The following PCDHGB5 variants were observed in gnomAD, a reference collection of about 807,000 sequenced individuals.
The protein encoded by PCDHGB5 is protocadherin gamma-B5.
In PCDHGB5, 48 loss-of-function variants were observed where a neutral mutation model predicts 62.9. That is an observed-to-expected ratio of 0.76 (90% confidence interval 0.61 to 0.97). The LOEUF (loss-of-function observed/expected upper bound fraction) is 0.97, where lower values mean the gene tolerates loss of function less well. PCDHGB5 is among the 50% of genes least tolerant of loss of function. The pLI is 0.00. For missense variants in PCDHGB5, 1,118 were observed against 1,198.6 expected, an observed-to-expected ratio of 0.93 and a Z score of 0.99; for synonymous variants, 474 against 511.2, an observed-to-expected ratio of 0.93 and a Z score of 0.98.
chr5:141,440,693 C>T (rs2098194597), intron 1 of PCDHGB5: 1 of 152,136 alleles, frequency 6.6e-6, no homozygotes, highest in Non-Finnish European at 1.5e-5. Context: ...GTAAAAGTGA[C>T]CAACAGTGGA....
At position 141,399,493 on chromosome 5, in the gene PCDHGB5, A is replaced by G. The variant is rs2093820399; in HGVS notation, c.1366A>G (p.Ser456Gly). The G allele has an allele frequency of 1.2e-6, 2 of 1,614,036 alleles. No individual in the cohort carries two copies. Among genetic ancestry groups the G allele is most frequent in the African/African-American group, 2.7e-5 (2 of 75,076 alleles). Residue 456 changes from serine (S) to glycine (G), a missense_variant, in exon 1 of 4, where the codon AGT becomes GGT. Ser to Gly is a moderately conservative substitution (Grantham distance 56). Coordinates refer to ENST00000617380, the MANE Select transcript of PCDHGB5 (RefSeq NM_018925.3). ...TTTCCACCAGGCGTCCTACTTAGTC[A>G]GTGTACCCGAAAACAACCCTCCTGG... is the stretch of plus-strand genomic sequence containing the variant. The part of the protein sequence containing the change: ...PVFHQASYLV[S>G]VPENNPPGAS...
chr5:141,399,382 A>G lies in PCDHGB5; in HGVS notation c.1255A>G (p.Thr419Ala). Residue 419 changes from threonine to alanine, a missense_variant, in exon 1 of 4, where the codon ACA becomes GCA. This residue lies in a region of PCDHGB5 where 1,034 missense variants were observed against 1,029.1 expected (regional missense o/e 1.00). Coordinates refer to ENST00000617380, the MANE Select transcript of PCDHGB5 (RefSeq NM_018925.3). ...AACCCCGGAGTACAATGTCACCATC[A>G]CAGCCACAGACAGGGGCAAGCCGCC... ...EQTPEYNVTI[T>A]ATDRGKPPLS... is the part of the protein sequence containing the mutation. 6.2e-7 allele frequency: 1 copy of G among 1,614,000 alleles called. No individual in the cohort carries two copies. Among genetic ancestry groups the G allele is most frequent in the Non-Finnish European group, 8.5e-7 (1 of 1,179,908 alleles).
intron 1 of PCDHGB5, among the ~76,000 whole-genome samples, chr5:141,446,430 T>A (rs1468987045): frequency 6.6e-6 from 1 of 152,058 alleles, no homozygotes; most frequent in Non-Finnish European, 1.5e-5. Flanking sequence ...ATTTGAAGGA[T>A]CTGAGAAACA....
chr5:141,505,591 G>C (rs2099846959), intron 3 of PCDHGB5, 110 bp downstream of exon 3: 2 of 1,570,280 alleles, frequency 1.3e-6, no homozygotes, highest in African/African-American at 2.7e-5. Flanking sequence ...AGTTTCTCCA[G>C]ATCTTTCGGC....
At chr5:141,413,697 T>G in intron 1 of PCDHGB5, 4 of 1,613,632 alleles carry the variant, frequency 2.5e-6, no homozygotes, top group Non-Finnish European at 3.4e-6. Flanking sequence ...TGCAGAGCTA[T>G]CAGCTCAGCC....
rs2099725414 is a variant in PCDHGB5, at chr5:141,491,703, GA to G, written c.2398-3103del. On this transcript the variant is annotated intron_variant, in intron 1 of 3. Coordinates refer to ENST00000617380, the MANE Select transcript of PCDHGB5 (RefSeq NM_018925.3). The surrounding 1 kb of genome is among the most constrained non-coding windows in gnomAD (Gnocchi z 6.9). ...ATACGCTGCGGGAGCGGAGCCAGGT[GA>G]GGGGCTCGGCGCCGCCCCGGGCGAC... is the stretch of plus-strand genomic sequence containing the variant. The G allele has an allele frequency of 3.7e-6, 6 of 1,611,396 alleles. No homozygotes were observed.
In PCDHGB5 at chr5:141,489,126, T is replaced by C; in HGVS notation, c.2398-5681T>C. ...TGCAAGCAGGCAAACCTCCGAGCAG[T>C]TTTTAAGAGGCTGGAAGGAGACATA... On this transcript the variant is annotated intron_variant, in intron 1 of 3. Coordinates refer to ENST00000617380, the MANE Select transcript of PCDHGB5 (RefSeq NM_018925.3). This position sits in a 1 kb window ranked among gnomAD's most constrained non-coding sequence, Gnocchi z 4.5. 1.7e-6 allele frequency: 1 copy of C among 585,136 alleles called. No individual in the cohort carries two copies. Among genetic ancestry groups the C allele is most frequent in the South Asian group, 3.2e-5 (1 of 31,406 alleles). The allele number at this position is 585,136 out of a possible 1,614,324, so 36.2% of individuals were successfully genotyped here. A position where few individuals can be genotyped will look rare whatever the true frequency, so the allele number is the denominator to read the frequency against.
chr5:141,490,132 A>G lies in PCDHGB5; in HGVS notation c.2398-4675A>G, dbSNP rs1245562757. The G allele has an allele frequency of 3.7e-6, 6 of 1,614,102 alleles. No homozygotes were observed. In the African/African-American group the frequency reaches 4.0e-5, roughly 11 times the overall value. ...GCGGAACCTCTTTGGCCTAGACCCTAGCAGTGGGGCAATCCATGTGTTGGG... is the reference window on the plus strand; with the variant it reads ...GCGGAACCTCTTTGGCCTAGACCCTGGCAGTGGGGCAATCCATGTGTTGGG... On this transcript the variant is annotated intron_variant, in intron 1 of 3. Coordinates refer to ENST00000617380, the MANE Select transcript of PCDHGB5 (RefSeq NM_018925.3). The surrounding 1 kb of genome is among the most constrained non-coding windows in gnomAD (Gnocchi z 5.4).
intron 1 of PCDHGB5, chr5:141,426,776 C>G (rs1258505646): frequency 2.2e-6 from 1 of 456,584 alleles, no homozygotes; most frequent in Admixed American, 2.3e-5. Flanking sequence ...TAGGGCCTCA[C>G]TCTCTCCAGA....
At position 141,476,518 on chromosome 5, in the gene PCDHGB5, T is replaced by C; in HGVS notation, c.2398-18289T>C. 1 of 1,614,214 alleles carries C rather than the reference T, an allele frequency of 6.2e-7. No individual in the cohort carries two copies. Among genetic ancestry groups the C allele is most frequent in the Non-Finnish European group, 8.5e-7 (1 of 1,180,038 alleles). ...AGGACATCAACGACAACAATCCTGC[T>C]TTCCCTACCCAGGAAATGAAATTGG... is the stretch of plus-strand genomic sequence containing the variant. On this transcript the variant is annotated intron_variant, in intron 1 of 3. Transcript: ENST00000617380. This position sits in a 1 kb window ranked among gnomAD's most constrained non-coding sequence, Gnocchi z 7.6.
intron 1 of PCDHGB5, chr5:141,402,959 G>C: frequency 1.2e-5 from 19 of 1,604,470 alleles, no homozygotes; most frequent in Non-Finnish European, 1.5e-5. Context: ...AGCAATGGCA[G>C]CTCCAACCAA....
At chr5:141,484,071 T>C (rs1405337642) in intron 1 of PCDHGB5, among the ~76,000 whole-genome samples, 1 of 152,144 alleles carries the variant, frequency 6.6e-6, no homozygotes, top group Non-Finnish European at 1.5e-5. Flanking sequence ...GTGAAAAGCT[T>C]GCTCTTTTGA....
chr5:141,403,069 A>T (rs747569947), intron 1 of PCDHGB5: 10 of 1,613,954 alleles, frequency 6.2e-6, no homozygotes, highest in Non-Finnish European at 7.6e-6. Context: ...CTGAAGAGAC[A>T]GAAAAGGGCT....
At chr5:141,498,964 G>A (rs1342764380) in intron 2 of PCDHGB5, among the ~76,000 whole-genome samples, 2 of 127,572 alleles carry the variant, frequency 1.6e-5, no homozygotes, top group Admixed American at 8.7e-5. Context: ...AGAGAGGGAG[G>A]GAGGGAGGGA....
chr5:141,415,515 G>A (rs752258863), intron 1 of PCDHGB5: 5 of 1,614,152 alleles, frequency 3.1e-6, no homozygotes, highest in South Asian at 1.1e-5. Flanking sequence ...CCAATTATGC[G>A]GACACGCTCA....
Position 141,485,716 on chromosome 5 carries a change from T to C in PCDHGB5, c.2398-9091T>C. Reference sequence around the variant, plus strand: ...GCTCCAATGAACACTTTGCACTGGATGTGAAGAAGCGCAGCGACGGCAGCC... The same window carrying C: ...GCTCCAATGAACACTTTGCACTGGACGTGAAGAAGCGCAGCGACGGCAGCC... On this transcript the variant is annotated intron_variant, in intron 1 of 3. Coordinates refer to ENST00000617380, the MANE Select transcript of PCDHGB5 (RefSeq NM_018925.3). The surrounding 1 kb of genome is among the most constrained non-coding windows in gnomAD (Gnocchi z 5.7). The C allele has an allele frequency of 6.2e-7, 1 of 1,614,044 alleles. No individual in the cohort carries two copies. Among genetic ancestry groups the C allele is most frequent in the Non-Finnish European group, 8.5e-7 (1 of 1,180,002 alleles).
chr5:141,461,138 C>T (rs1416058747), intron 1 of PCDHGB5, among the ~76,000 whole-genome samples: 1 of 151,942 alleles, frequency 6.6e-6, no homozygotes, highest in East Asian at 1.9e-4. Flanking sequence ...ACTTATTTTC[C>T]TTTGGGTAGA....
chr5:141,418,236 T>C, intron 1 of PCDHGB5: 8 of 1,614,030 alleles, frequency 5.0e-6, no homozygotes, highest in Non-Finnish European at 6.8e-6. Flanking sequence ...ATTGAGGATG[T>C]TAATGACCAC....
At chr5:141,509,334 G>A (rs1184232270) in intron 3 of PCDHGB5, among the ~76,000 whole-genome samples, 1 of 152,186 alleles carries the variant, frequency 6.6e-6, no homozygotes, top group Non-Finnish European at 1.5e-5. Flanking sequence ...ACTGCCAGCT[G>A]GGCCTGGGCT....
Sources: gnomAD v4.1 joint callset for allele counts (sites outside exome capture counted in the v4.1 genomes callset) on GRCh38, gnomAD v4.1.1 for gene constraint, gnomAD v4.1.1 regional missense constraint, Gnocchi (gnomAD v3.1) non-coding constraint, MANE v1.5 for transcripts, NCBI Gene and HGNC (gene_info 2026-07-23, HGNC 2026-07-21) for gene names.